Variants in CTSV observed in about 807,000 individuals in gnomAD.
CTSV encodes the protein cathepsin L2.
In CTSV, 33 loss-of-function variants were observed where a neutral mutation model predicts 35.6. That is an observed-to-expected ratio of 0.93 (90% CI 0.70 to 1.24). The LOEUF (loss-of-function observed/expected upper bound fraction) is 1.24. Among genes scored for constraint, CTSV ranks in the 50% most tolerant of loss-of-function variants. The pLI, the probability that CTSV is intolerant of heterozygous loss-of-function variation, is 0.00. For missense variants in CTSV, 408 were observed against 413.1 expected, an observed-to-expected ratio of 0.99 and a Z score of 0.11; for synonymous variants, 154 against 147.1, an observed-to-expected ratio of 1.05 and a Z score of -0.34.
rs976665619 is a variant in CTSV at position 97,032,689 on chromosome 9, T to A, written c.*260A>T. The stretch of plus-strand genomic sequence containing the variant: ...GAATTAAAATTTATTTCAAACTGTT[T>A]TGTACATCTTTTTAAAAAATGAAAA... On this transcript the variant is annotated 3_prime_UTR_variant, in exon 8 of 8. Transcript: ENST00000259470. 2.8e-6 allele frequency: 1 copy of A among 352,502 alleles called. No individual in the cohort carries two copies. Among genetic ancestry groups the A allele is most frequent in the Non-Finnish European group, 5.0e-6 (1 of 198,060 alleles). 21.8% of individuals were successfully genotyped at this position (352,502 alleles called of 1,614,324 possible).
chr9:97,038,778 G>A (rs1828902745), intron 1 of CTSV, among the ~76,000 whole-genome samples: 1 of 152,178 alleles, frequency 6.6e-6, no homozygotes, highest in Non-Finnish European at 1.5e-5. Context: ...AATGTTTGCG[G>A]CGGTGCAGGG....
In CTSV at chr9:97,036,530, A is replaced by G. The variant is rs1828854143; in HGVS notation, c.614T>C (p.Val205Ala). The G allele has an allele frequency of 2.5e-6, 4 of 1,611,620 alleles. No homozygotes were observed. The East Asian group carries it at 8.9e-5, about 36-fold the overall frequency. The change falls in exon 5 of 8, where the codon GTA becomes GCA. Residue 205 changes from valine to alanine, a missense_variant. Coordinates refer to ENST00000259470, the MANE Select transcript of CTSV (RefSeq NM_001333.4). Reference sequence around the variant, plus strand: ...ATAAGGAGCTCCATTTACCACTGCTACATATGGATAGGATTCCTCAGAGTC... The same window carrying G: ...ATAAGGAGCTCCATTTACCACTGCTGCATATGGATAGGATTCCTCAGAGTC... ...GLDSEESYPY[V>A]AVDEICKYRP...
intron 2 of CTSV, 120 bp downstream of exon 2, chr9:97,037,798 T>A: frequency 7.1e-7 from 1 of 1,415,854 alleles, no homozygotes; most frequent in Non-Finnish European, 9.8e-7. Flanking sequence ...CTATAATGGG[T>A]GCTGTTAGGT....
chr9:97,032,521 C>A lies in CTSV; in HGVS notation c.*428G>T, dbSNP rs749084605. The stretch of plus-strand genomic sequence containing the variant: ...TATAAAGTCTGTATTTTTATAACTA[C>A]TCAAGAGCCAGGAAGCCAGCTTTCT... On this transcript the variant is annotated 3_prime_UTR_variant, in exon 8 of 8. Transcript: ENST00000259470. 2 of 154,262 alleles carry A rather than the reference C, an allele frequency of 1.3e-5. No homozygotes were observed. Among genetic ancestry groups the A allele is most frequent in the Non-Finnish European group, 1.4e-5 (1 of 69,578 alleles). The allele number at this position is 154,262 out of a possible 1,614,324, so 9.6% of individuals were successfully genotyped here.
At chr9:97,037,723 T>C (rs545464090) in intron 2 of CTSV, 108 bp from the exon 3 acceptor site, 4 of 1,497,738 alleles carry the variant, frequency 2.7e-6, no homozygotes, top group Non-Finnish European at 3.6e-6. Context: ...CAGGGATGGG[T>C]TGATACTTCT....
In CTSV at chr9:97,032,791, C is replaced by G. The variant is rs1828775720; in HGVS notation, c.*158G>C. ...ATAACAATAATTAAAGTAGTGGTAA[C>G]ATTTTACCCTTGTAAAAATGTCACA... On this transcript the variant is annotated 3_prime_UTR_variant, in exon 8 of 8. Transcript: ENST00000259470. The G allele has an allele frequency of 9.6e-6, 5 of 520,586 alleles. No individual in the cohort carries two copies. Among genetic ancestry groups the G allele is most frequent in the Non-Finnish European group, 1.7e-5 (5 of 295,192 alleles). The allele number at this position is 520,586 out of a possible 1,614,324, so 32.2% of individuals were successfully genotyped here.
intron 6 of CTSV, among the ~76,000 whole-genome samples, chr9:97,035,304 T>C (rs992823877): frequency 2.0e-5 from 3 of 152,228 alleles, no homozygotes; most frequent in Admixed American, 6.5e-5. Flanking sequence ...TGGAAAATAG[T>C]TTGGAAAATT....
Position 97,032,788 on chromosome 9 carries a change from T to C in CTSV, c.*161A>G. 2.0e-6 allele frequency: 1 copy of C among 497,890 alleles called. No homozygotes were observed. The highest frequency in any genetic ancestry group is 3.5e-6 in the Non-Finnish European group (1 of 282,554). The allele number at this position is 497,890 out of a possible 1,614,324, so 30.8% of individuals were successfully genotyped here. A position where few individuals can be genotyped will look rare whatever the true frequency, so the allele number is the denominator to read the frequency against. ...TGTATAACAATAATTAAAGTAGTGGTAACATTTTACCCTTGTAAAAATGTC... is the reference window on the plus strand; with the variant it reads ...TGTATAACAATAATTAAAGTAGTGGCAACATTTTACCCTTGTAAAAATGTC... On this transcript the variant is annotated 3_prime_UTR_variant, in exon 8 of 8. Transcript: ENST00000259470.
At position 97,035,563 on chromosome 9, in the gene CTSV, T is replaced by C; in HGVS notation, c.752A>G (p.Asp251Gly). The C allele has an allele frequency of 6.3e-7, 1 of 1,585,558 alleles. No homozygotes were observed. Among genetic ancestry groups the C allele is most frequent in the Non-Finnish European group, 8.6e-7 (1 of 1,163,546 alleles). ...GAACTGGAAGGACGAATGGCCTGCATCCATAGCAACGGAGATGGGCCCCAC... is the reference window on the plus strand; with the variant it reads ...GAACTGGAAGGACGAATGGCCTGCACCCATAGCAACGGAGATGGGCCCCAC... ...ATVGPISVAM[D>G]AGHSSFQFYK... Residue 251 changes from aspartate (D) to glycine (G), a missense_variant, in exon 6 of 8, where the codon GAT becomes GGT. By Grantham distance (94) the Asp-to-Gly change is moderately conservative. Coordinates refer to ENST00000259470, the MANE Select transcript of CTSV (RefSeq NM_001333.4).
Position 97,032,726 on chromosome 9 carries a change from T to G in CTSV, c.*223A>C. 2.5e-6 allele frequency: 1 copy of G among 395,726 alleles called. No homozygotes were observed. 24.5% of individuals were successfully genotyped at this position (395,726 alleles called of 1,614,324 possible). A position where few individuals can be genotyped will look rare whatever the true frequency, so the allele number is the denominator to read the frequency against. ...TTAAAAAATGAAAATTCAAAAGTCTTAGAATTAAGCAATGAGTCTTTGATA... is the reference window on the plus strand; with the variant it reads ...TTAAAAAATGAAAATTCAAAAGTCTGAGAATTAAGCAATGAGTCTTTGATA... On this transcript the variant is annotated 3_prime_UTR_variant, in exon 8 of 8. Transcript: ENST00000259470.
At chr9:97,036,800 G>T in intron 4 of CTSV, 53 bp from the exon 5 acceptor site, 7 of 1,340,422 alleles carry the variant, frequency 5.2e-6, no homozygotes, top group Non-Finnish European at 7.1e-6. Context: ...TACAAATACA[G>T]TACCCCATAA....
At chr9:97,035,437 C>A in intron 6 of CTSV, 91 bp downstream of exon 6, 1 of 1,060,416 alleles carries the variant, frequency 9.4e-7, no homozygotes, top group Non-Finnish European at 1.3e-6. Flanking sequence ...CAAAATACTA[C>A]ATTCCTGCAA....
At chr9:97,037,708 A>G (rs1346110855) in intron 2 of CTSV, 93 bp from the exon 3 acceptor site, 1 of 1,534,650 alleles carries the variant, frequency 6.5e-7, no homozygotes, top group African/African-American at 1.4e-5. Flanking sequence ...AAGAGAAACC[A>G]TGGCCAGGGA....
chr9:97,036,920 C>T (rs970701380), intron 4 of CTSV, among the ~76,000 whole-genome samples, 173 bp from the exon 5 acceptor site: 1 of 151,574 alleles, frequency 6.6e-6, no homozygotes, highest in African/African-American at 2.4e-5. Flanking sequence ...GCCTGGCCAA[C>T]ATGGTGAAAC....
In CTSV at chr9:97,032,901, T is replaced by C; in HGVS notation, c.*48A>G. The C allele has an allele frequency of 7.3e-7, 1 of 1,376,586 alleles. No homozygotes were observed. The highest frequency in any genetic ancestry group is 1.0e-6 in the Non-Finnish European group (1 of 991,552). 85.3% of individuals were successfully genotyped at this position (1,376,586 alleles called of 1,614,324 possible). A position where few individuals can be genotyped will look rare whatever the true frequency, so the allele number is the denominator to read the frequency against. On this transcript the variant is annotated 3_prime_UTR_variant, in exon 8 of 8. Coordinates refer to ENST00000259470, the MANE Select transcript of CTSV (RefSeq NM_001333.4). ...GTTTGGTCAGTTTCAAGATAAAATT[T>C]CCCCAGACATGCTGTCCTTAAGTCC... is the stretch of plus-strand genomic sequence containing the variant.
At chr9:97,035,722 A>C (rs1695256052) in intron 5 of CTSV, 29 bp from the exon 6 acceptor site, 1 of 1,384,200 alleles carries the variant, frequency 7.2e-7, no homozygotes, top group Non-Finnish European at 9.5e-7. Context: ...GAGAGACTTG[A>C]TCACTACCAT....
Position 97,037,361 on chromosome 9 carries a change from C to G in CTSV, c.287G>C (p.Arg96Pro). 1 of 1,614,100 alleles carries G rather than the reference C, an allele frequency of 6.2e-7. No individual in the cohort carries two copies. Among genetic ancestry groups the G allele is most frequent in the Non-Finnish European group, 8.5e-7 (1 of 1,180,020 alleles). Residue 96 changes from arginine (R) to proline (P), a missense_variant, in exon 4 of 8, where the codon CGA becomes CCA. Coordinates refer to ENST00000259470, the MANE Select transcript of CTSV (RefSeq NM_001333.4). ...TTTCCCCTTCCTGAATTTCTGGTTT[C>G]GAAAGCAACCCATCATCTGCCTGAA... is the stretch of plus-strand genomic sequence containing the variant. Reference protein sequence around the residue: ...EEFRQMMGCFRNQKFRKGKVF... With the variant: ...EEFRQMMGCFPNQKFRKGKVF...
At chr9:97,035,487 TC>T in intron 6 of CTSV, 40 bp downstream of exon 6, 2 of 1,413,518 alleles carry the variant, frequency 1.4e-6, no homozygotes, top group East Asian at 5.2e-5. Flanking sequence ...CAGTGATGCT[TC>T]CCAATTCTGC....
rs1828713574 is a variant in CTSV at position 97,029,992 on chromosome 9, CCAT to C, written c.*2954_*2956del. ...TAGCCTAGGTGTGTAATAGGCTATA[CCAT>C]CTAGGTTTGTGTCAGTGTACTCTAT... On this transcript the variant is annotated 3_prime_UTR_variant, in exon 8 of 8. Coordinates refer to ENST00000259470, the MANE Select transcript of CTSV (RefSeq NM_001333.4). 6.6e-6 allele frequency: 1 copy of C among 152,180 alleles called. No individual in the cohort carries two copies. Among genetic ancestry groups the C allele is most frequent in the African/African-American group, 2.4e-5 (1 of 41,438 alleles). 9.4% of individuals were successfully genotyped at this position (152,180 alleles called of 1,614,324 possible).
Sources: allele counts gnomAD v4.1 joint callset (sites outside exome capture counted in the v4.1 genomes callset), GRCh38; gene constraint gnomAD v4.1.1; transcripts MANE v1.5; gene names NCBI Gene and HGNC (gene_info 2026-07-23, HGNC 2026-07-21).